Variants in ZSCAN22 observed in about 807,000 individuals in gnomAD.
The protein encoded by ZSCAN22 is zinc finger and SCAN domain containing 22.
In ZSCAN22, 7 loss-of-function variants were observed where a neutral mutation model predicts 12.4. The observed-to-expected ratio is 0.57, with a 90% CI of 0.32 to 1.06. The LOEUF is 1.06. ZSCAN22 is among the 50% of genes least tolerant of loss of function. The probability of loss-of-function intolerance (pLI) is 0.04; values close to 1 mark genes in which losing one functional copy is unlikely to be tolerated. For missense variants in ZSCAN22, 576 were observed against 631.7 expected (o/e 0.91, Z 0.94); for synonymous variants, 243 against 255.9 (o/e 0.95, Z 0.48).
rs144263017 is a variant in ZSCAN22, at chr19:58,329,167, C to G, written c.-52+2053C>G. On this transcript the variant is annotated intron_variant, in intron 1 of 2. Transcript: ENST00000329665. The surrounding 1 kb of genome is among the most constrained non-coding windows in gnomAD (Gnocchi z 4.1). Reference sequence around the variant, plus strand: ...GACCCAGGAGAACTTTACAGTGCGGCGAAGGGGCTTAAACGCAGCTTGGCC... The same window carrying G: ...GACCCAGGAGAACTTTACAGTGCGGGGAAGGGGCTTAAACGCAGCTTGGCC... 9.0e-3 allele frequency among the ~76,000 whole-genome samples: 1,371 copies of G among 152,102 alleles called. 19 individuals carry two copies. The highest frequency in any genetic ancestry group is 0.031 in the African/African-American group (1,296 of 41,402).
At chr19:58,336,062 G>A (rs1568544595) in intron 2 of ZSCAN22, among the ~76,000 whole-genome samples, 1 of 152,204 alleles carries the variant, frequency 6.6e-6, no homozygotes, top group African/African-American at 2.4e-5. Flanking sequence ...CAGGAGGAAT[G>A]TGGAGTCTGG....
rs568958081 is a variant in ZSCAN22, at chr19:58,330,724, G to A, written c.-52+3610G>A. ...ATGGGATAACAGATGCCAAAGGCTAGTGTGGCCTGGTAGCCGGTAGGTTCC... is the reference window on the plus strand; with the variant it reads ...ATGGGATAACAGATGCCAAAGGCTAATGTGGCCTGGTAGCCGGTAGGTTCC... On this transcript the variant is annotated intron_variant, in intron 1 of 2. Coordinates refer to ENST00000329665, the MANE Select transcript of ZSCAN22 (RefSeq NM_181846.3). Among the ~76,000 whole-genome samples, 295 of 152,364 alleles carry A rather than the reference G, an allele frequency of 1.9e-3. 1 individual carries two copies. The highest frequency in any genetic ancestry group is 3.4e-3 in the Middle Eastern group (1 of 294).
Position 58,338,696 on chromosome 19 carries a change from G to A in ZSCAN22, c.846G>A (p.Ala282=), listed in dbSNP as rs537926318. ...ECRKMFQSAS[A]LEAHQKTHSR... is the part of the protein sequence containing the mutation. ...GGAAGATGTTCCAGAGTGCTTCGGC[G>A]CTCGAGGCACACCAGAAGACCCATT... The change falls in exon 3 of 3, where the codon GCG becomes GCA. Residue 282 remains alanine, a synonymous_variant. Transcript: ENST00000329665. This position sits in a 1 kb window ranked among gnomAD's most constrained non-coding sequence, Gnocchi z 5.4. 7.1e-5 allele frequency: 114 copies of A among 1,614,164 alleles called. No individual in the cohort carries two copies. The highest frequency in any genetic ancestry group is 1.6e-4 in the Middle Eastern group (1 of 6,062).
rs772794450 is a variant in ZSCAN22, at chr19:58,339,313, C to T, written c.1463C>T (p.Thr488Met). 14 of 1,608,404 alleles carry T rather than the reference C, an allele frequency of 8.7e-6. No homozygotes were observed. Among genetic ancestry groups the T allele is most frequent in the African/African-American group, 1.3e-5 (1 of 74,856 alleles). ...ALMVHLRIHI[T>M]VLQ is the part of the protein sequence containing the mutation. The stretch of plus-strand genomic sequence containing the variant: ...ATGGTTCACTTGCGGATCCACATCA[C>T]GGTGCTGCAATGACCGGAAGTCGCC... The change falls in exon 3 of 3, where the codon ACG becomes ATG. Residue 488 changes from threonine to methionine, a missense_variant. Transcript: ENST00000329665. This position sits in a 1 kb window ranked among gnomAD's most constrained non-coding sequence, Gnocchi z 5.6.
At chr19:58,337,984 T>C (rs2147990028) in intron 2 of ZSCAN22, among the ~76,000 whole-genome samples, 1 of 152,332 alleles carries the variant, frequency 6.6e-6, no homozygotes, top group Non-Finnish European at 1.5e-5. Flanking sequence ...TCCTCTTGAC[T>C]CTTGAGCCAA....
intron 1 of ZSCAN22, among the ~76,000 whole-genome samples, chr19:58,334,335 G>C (rs2051763687): frequency 6.6e-6 from 1 of 152,136 alleles, no homozygotes; most frequent in Non-Finnish European, 1.5e-5. Context: ...TTTTTGTTTT[G>C]AGACAGAGTC....
In ZSCAN22 at chr19:58,338,639, A is replaced by G. The variant is rs1446413992; in HGVS notation, c.789A>G (p.Ser263=). The G allele has an allele frequency of 6.2e-7, 1 of 1,614,106 alleles. No homozygotes were observed. Among genetic ancestry groups the G allele is most frequent in the African/African-American group, 1.3e-5 (1 of 74,942 alleles). Residue 263 remains serine, a synonymous_variant, in exon 3 of 3, where the codon TCA becomes TCG. Coordinates refer to ENST00000329665, the MANE Select transcript of ZSCAN22 (RefSeq NM_181846.3). This position sits in a 1 kb window ranked among gnomAD's most constrained non-coding sequence, Gnocchi z 5.4. The part of the protein sequence containing the change: ...AYGTEPPYTY[S]GKRSSKCREC... The stretch of plus-strand genomic sequence containing the variant: ...GGACAGAGCCTCCATACACCTACTC[A>G]GGGAAGAGGTCCTCCAAGTGTCGCG...
rs371077623 is a variant in ZSCAN22 at position 58,338,183 on chromosome 19, C to A, written c.404-71C>A. The A allele has an allele frequency of 7.2e-7, 1 of 1,393,086 alleles. No homozygotes were observed. Among genetic ancestry groups the A allele is most frequent in the Non-Finnish European group, 9.8e-7 (1 of 1,020,734 alleles). 86.3% of individuals were successfully genotyped at this position (1,393,086 alleles called of 1,614,324 possible). A position where few individuals can be genotyped will look rare whatever the true frequency, so the allele number is the denominator to read the frequency against. On this transcript the variant is annotated intron_variant, in intron 2 of 2. Transcript: ENST00000329665. The surrounding 1 kb of genome is among the most constrained non-coding windows in gnomAD (Gnocchi z 5.4). ...CACATCTCCCCTTACAAAGTGTGAC[C>A]GGGGCCCTCGGCAGAGTAGGGGAGG...
rs1163031452 is a variant in ZSCAN22 at position 58,339,368 on chromosome 19, A to T, written c.*42A>T. The stretch of plus-strand genomic sequence containing the variant: ...GGGGCGTAGCACAGCGTCTTCTCGG[A>T]GGCTCGAGGTCTAAGAGAAACGCTG... On this transcript the variant is annotated 3_prime_UTR_variant, in exon 3 of 3. Transcript: ENST00000329665. This position sits in a 1 kb window ranked among gnomAD's most constrained non-coding sequence, Gnocchi z 5.6. 6.6e-7 allele frequency: 1 copy of T among 1,521,192 alleles called. No individual in the cohort carries two copies. The highest frequency in any genetic ancestry group is 2.1e-5 in the Admixed American group (1 of 47,720). The allele number at this position is 1,521,192 out of a possible 1,614,324, so 94.2% of individuals were successfully genotyped here.
chr19:58,338,994 T>A lies in ZSCAN22; in HGVS notation c.1144T>A (p.Cys382Ser). 6.2e-7 allele frequency: 1 copy of A among 1,612,354 alleles called. No individual in the cohort carries two copies. Among genetic ancestry groups the A allele is most frequent in the Non-Finnish European group, 8.5e-7 (1 of 1,178,976 alleles). Reference protein sequence around the residue: ...RVHTGERPYECDACGKAFSQS... With the variant: ...RVHTGERPYESDACGKAFSQS... ...GCACACGGGGGAGCGGCCCTACGAG[T>A]GTGACGCGTGTGGGAAAGCCTTCAG... The change falls in exon 3 of 3, where the codon TGT becomes AGT. Residue 382 changes from cysteine (C) to serine (S), a missense_variant. Physicochemically the swap from Cys to Ser is moderately radical, Grantham distance 112 (BLOSUM62 -1). Transcript: ENST00000329665. This position sits in a 1 kb window ranked among gnomAD's most constrained non-coding sequence, Gnocchi z 5.4.
chr19:58,328,412 C>T (rs1486852088), intron 1 of ZSCAN22, among the ~76,000 whole-genome samples: 1 of 152,166 alleles, frequency 6.6e-6, no homozygotes, highest in Non-Finnish European at 1.5e-5. Context: ...GATATGTCCC[C>T]CAGTGTTTGC....
At position 58,335,271 on chromosome 19, in the gene ZSCAN22, C is replaced by G. The variant is rs963583074; in HGVS notation, c.403+66C>G. On this transcript the variant is annotated intron_variant, in intron 2 of 2. Coordinates refer to ENST00000329665, the MANE Select transcript of ZSCAN22 (RefSeq NM_181846.3). The surrounding 1 kb of genome is among the most constrained non-coding windows in gnomAD (Gnocchi z 4.1). ...TACACCCTGGACAGGAACATGGGAG[C>G]ACAGGGCTCTGGTTTGGGGTTGCTC... is the stretch of plus-strand genomic sequence containing the variant. The G allele has an allele frequency of 6.9e-7, 1 of 1,458,224 alleles. No homozygotes were observed. The highest frequency in any genetic ancestry group is 1.4e-5 in the South Asian group (1 of 69,068). The allele number at this position is 1,458,224 out of a possible 1,614,324, so 90.3% of individuals were successfully genotyped here.
intron 1 of ZSCAN22, among the ~76,000 whole-genome samples, chr19:58,333,337 A>G (rs1166161966): frequency 2.0e-5 from 3 of 152,330 alleles, no homozygotes; most frequent in East Asian, 1.9e-4. Flanking sequence ...TGTCATAGCT[A>G]AGACAGCTTT....
rs766731446 is a variant in ZSCAN22, at chr19:58,334,920, G to C, written c.118G>C (p.Asp40His). Residue 40 changes from aspartate (D) to histidine (H), a missense_variant, in exon 2 of 3, where the codon GAC becomes CAC. Physicochemically the swap from Asp to His is moderately conservative, Grantham distance 81. Coordinates refer to ENST00000329665, the MANE Select transcript of ZSCAN22 (RefSeq NM_181846.3). ...CTCCCAGGGCGGAGAATCCAGCCAT[G>C]ACCACATTGCTCACTCTGAGGCTGC... is the stretch of plus-strand genomic sequence containing the variant. Reference protein sequence around the residue: ...SLSQGGESSHDHIAHSEAARL... With the variant: ...SLSQGGESSHHHIAHSEAARL... 38 of 1,614,160 alleles carry C rather than the reference G, an allele frequency of 2.4e-5. No individual in the cohort carries two copies. The South Asian group carries it at 4.1e-4, about 17-fold the overall frequency.
At chr19:58,327,522 T>C (rs370119397) in intron 1 of ZSCAN22, among the ~76,000 whole-genome samples, 2 of 152,266 alleles carry the variant, frequency 1.3e-5, no homozygotes, top group Non-Finnish European at 1.5e-5. Flanking sequence ...AGATAAAATG[T>C]AGGACCAGTG....
chr19:58,335,283 G>C lies in ZSCAN22; in HGVS notation c.403+78G>C. On this transcript the variant is annotated intron_variant, in intron 2 of 2. Transcript: ENST00000329665. The surrounding 1 kb of genome is among the most constrained non-coding windows in gnomAD (Gnocchi z 4.1). ...AGGAACATGGGAGCACAGGGCTCTG[G>C]TTTGGGGTTGCTCATGCACCCATTC... 2 of 1,445,890 alleles carry C rather than the reference G, an allele frequency of 1.4e-6. No individual in the cohort carries two copies. The highest frequency in any genetic ancestry group is 2.5e-5 in the East Asian group (1 of 40,140). The allele number at this position is 1,445,890 out of a possible 1,614,324, so 89.6% of individuals were successfully genotyped here. A position where few individuals can be genotyped will look rare whatever the true frequency, so the allele number is the denominator to read the frequency against.
At position 58,334,785 on chromosome 19, in the gene ZSCAN22, A is replaced by C; in HGVS notation, c.-18A>C. 1.3e-6 allele frequency: 2 copies of C among 1,576,116 alleles called. No individual in the cohort carries two copies. Among genetic ancestry groups the C allele is most frequent in the Admixed American group, 1.7e-5 (1 of 57,898 alleles). The stretch of plus-strand genomic sequence containing the variant: ...CCAAGGCTCCGGCATCCTGTGTCTC[A>C]CTGAGCACTGCTGCCCGATGGCCAT... On this transcript the variant is annotated 5_prime_UTR_variant, in exon 2 of 3. Transcript: ENST00000329665.
chr19:58,338,226 A>G lies in ZSCAN22; in HGVS notation c.404-28A>G. The G allele has an allele frequency of 6.4e-7, 1 of 1,561,562 alleles. No individual in the cohort carries two copies. ...AGGGGAGGCTTGGTGTGGTAGGAGGAGTGACAGTGTGGTTCGGACTGTTTC... is the reference window on the plus strand; with the variant it reads ...AGGGGAGGCTTGGTGTGGTAGGAGGGGTGACAGTGTGGTTCGGACTGTTTC... On this transcript the variant is annotated intron_variant, in intron 2 of 2. Coordinates refer to ENST00000329665, the MANE Select transcript of ZSCAN22 (RefSeq NM_181846.3). This position sits in a 1 kb window ranked among gnomAD's most constrained non-coding sequence, Gnocchi z 5.4.
intron 1 of ZSCAN22, among the ~76,000 whole-genome samples, chr19:58,331,256 G>A (rs531464142): frequency 8.0e-4 from 116 of 145,874 alleles, no homozygotes; most frequent in African/African-American, 2.8e-3. Flanking sequence ...TCACTCTGTC[G>A]GCCAGGCTGG....
Sources: gnomAD v4.1 joint callset for allele counts (sites outside exome capture counted in the v4.1 genomes callset) on GRCh38, gnomAD v4.1.1 for gene constraint, Gnocchi (gnomAD v3.1) non-coding constraint, MANE v1.5 for transcripts, NCBI Gene and HGNC (gene_info 2026-07-23, HGNC 2026-07-21) for gene names.